DENND4C: variants seen among roughly 807,000 people sequenced by gnomAD.
DENND4C encodes the protein DENN domain-containing protein 4C.
DENND4C carries 108 observed loss-of-function variants against 203.0 expected under a neutral mutation model. The observed-to-expected ratio is 0.53, with a 90% CI of 0.46 to 0.62. DENND4C has a LOEUF of 0.62. Ranked by LOEUF, DENND4C falls within the 20% of genes least tolerant of loss-of-function variation. DENND4C has a pLI of 0.00. For missense variants in DENND4C, 2,481 were observed against 2,301.2 expected, an observed-to-expected ratio of 1.08 and a Z score of -1.60; for synonymous variants, 871 against 792.4, an observed-to-expected ratio of 1.10 and a Z score of -1.67.
intron 2 of DENND4C, among the ~76,000 whole-genome samples, chr9:19,277,488 A>C (rs56036247): frequency 0.052 from 7,943 of 152,248 alleles, 339 homozygotes; most frequent in African/African-American, 0.11. Flanking sequence ...GTGTATAGAA[A>C]TAGCTGATTT....
At chr9:19,352,863 C>T (rs1454154020) in intron 26 of DENND4C, among the ~76,000 whole-genome samples, 198 bp downstream of exon 26, 6 of 152,060 alleles carry the variant, frequency 3.9e-5, no homozygotes, top group Admixed American at 3.3e-4. Context: ...AGCCGGGCTC[C>T]GTGGCTCATG....
In DENND4C at chr9:19,306,999, G is replaced by A. The variant is rs192499666; in HGVS notation, c.1487+1472G>A. On this transcript the variant is annotated intron_variant, in intron 10 of 32. Transcript: ENST00000434457. ...AGGTTTTACCATGTTGTCCAGGCTG[G>A]TCTTGAACTGCTGACCTCAGGTGAT... Among the ~76,000 whole-genome samples, 926 of 152,080 alleles carry A rather than the reference G, an allele frequency of 6.1e-3. 12 individuals are homozygous for A. Among genetic ancestry groups the A allele is most frequent in the Non-Finnish European group, 5.6e-3 (382 of 67,982 alleles).
intron 1 of DENND4C, among the ~76,000 whole-genome samples, chr9:19,234,530 GTTTTT>G (rs34232597): frequency 9.6e-6 from 1 of 104,452 alleles, no homozygotes; most frequent in Non-Finnish European, 1.8e-5. Context: ...GCACCTGGCT[GTTTTT>G]TTTTTTTTTT....
chr9:19,283,983 G>A (rs1834699745), intron 2 of DENND4C, among the ~76,000 whole-genome samples: 2 of 152,036 alleles, frequency 1.3e-5, no homozygotes, highest in African/African-American at 4.8e-5. Flanking sequence ...CAACTGATTT[G>A]TTTCTCCAGT....
chr9:19,283,610 CTTT>C (rs553611899), intron 2 of DENND4C, among the ~76,000 whole-genome samples: 1 of 116,604 alleles, frequency 8.6e-6, no homozygotes, highest in Non-Finnish European at 1.7e-5. Context: ...TTTTTTCTTT[CTTT>C]TTTTTTTTTT....
Position 19,294,649 on chromosome 9 carries a change from G to A in DENND4C, c.802-1359G>A, listed in dbSNP as rs562043509. On this transcript the variant is annotated intron_variant, in intron 5 of 32. Coordinates refer to ENST00000434457, the MANE Select transcript of DENND4C (RefSeq NM_001330640.2). ...GGAAACAACCCAAACGTGCATCAAC[G>A]TATGAATGGATACACAAAATATGGT... Among the ~76,000 whole-genome samples, 17 of 152,250 alleles carry A rather than the reference G, an allele frequency of 1.1e-4. No individual in the cohort carries two copies. In the South Asian group the frequency reaches 3.5e-3, roughly 32 times the overall value.
intron 1 of DENND4C, among the ~76,000 whole-genome samples, chr9:19,264,818 T>G (rs1830156503): frequency 6.6e-6 from 1 of 152,110 alleles, no homozygotes; most frequent in African/African-American, 2.4e-5. Context: ...GATCTTTTTC[T>G]TCTACTAATT....
chr9:19,307,472 A>T (rs564218444), intron 10 of DENND4C, among the ~76,000 whole-genome samples: 3 of 151,584 alleles, frequency 2.0e-5, no homozygotes, highest in Admixed American at 2.0e-4. Flanking sequence ...ATTCACCACA[A>T]CTTTATTAAG....
At chr9:19,300,111 T>C in intron 8 of DENND4C, 76 bp from the exon 9 acceptor site, 1 of 1,397,228 alleles carries the variant, frequency 7.2e-7, no homozygotes, top group Non-Finnish European at 9.6e-7. Context: ...AATCTGTTGA[T>C]ACTTTAATAA....
At chr9:19,336,141 C>G (rs748596975) in intron 18 of DENND4C, 129 bp from the exon 19 acceptor site, 138 of 781,660 alleles carry the variant, frequency 1.8e-4, no homozygotes, top group Non-Finnish European at 1.7e-4. Flanking sequence ...TTTAATATAC[C>G]TCTTGGCCAG....
At chr9:19,370,021 C>A in intron 31 of DENND4C, 34 bp downstream of exon 31, 1 of 1,608,852 alleles carries the variant, frequency 6.2e-7, no homozygotes, top group Non-Finnish European at 8.5e-7. Context: ...TGCCACCACT[C>A]AGTCATTTCA....
intron 1 of DENND4C, among the ~76,000 whole-genome samples, chr9:19,258,775 C>T (rs988358292): frequency 9.2e-5 from 14 of 152,032 alleles, no homozygotes; most frequent in Non-Finnish European, 2.9e-5. Flanking sequence ...CTGCCTCAGC[C>T]TCCAGAGTAG....
chr9:19,275,561 C>G (rs941183452), intron 1 of DENND4C, among the ~76,000 whole-genome samples: 9 of 151,464 alleles, frequency 5.9e-5, no homozygotes, highest in Admixed American at 1.3e-4. Context: ...GCTTCTGCCC[C>G]CTGGGTTCAA....
rs1453501679 is a variant in DENND4C, at chr9:19,363,596, A to T, written c.5524+1633A>T. ...AGGCCTTATCTCCAAATAGAGTCAC[A>T]TTGGCAATTAGGGCCTCAACATATG... On this transcript the variant is annotated intron_variant, in intron 30 of 32. Coordinates refer to ENST00000434457, the MANE Select transcript of DENND4C (RefSeq NM_001330640.2). Among the ~76,000 whole-genome samples, 7 of 152,208 alleles carry T rather than the reference A, an allele frequency of 4.6e-5. No individual in the cohort carries two copies. In the East Asian group the frequency reaches 1.2e-3, roughly 25 times the overall value.
At chr9:19,282,454 T>A (rs4977528) in intron 2 of DENND4C, among the ~76,000 whole-genome samples, 80,536 of 150,658 alleles carry the variant, frequency 0.53, 21,759 homozygotes, top group South Asian at 0.66. Context: ...GGGTTTCGCC[T>A]TGTTGCCCAG....
rs1161201166 is a variant in DENND4C at position 19,341,073 on chromosome 9, C to G, written c.2963C>G (p.Ala988Gly). The change falls in exon 21 of 33, where the codon GCA becomes GGA. Residue 988 changes from alanine to glycine, a missense_variant. Physicochemically the swap from Ala to Gly is moderately conservative, Grantham distance 60 (BLOSUM62 0). This residue lies in a region of DENND4C where 2,289 missense variants were observed against 2,113.3 expected (regional missense o/e 1.08). Transcript: ENST00000434457. The part of the protein sequence containing the change: ...DAEIHVPEEQ[A>G]ARELITKTKM... Reference sequence around the variant, plus strand: ...GAAATTCATGTGCCTGAAGAACAGGCAGCAAGAGAATTGATAACTAAAACA... The same window carrying G: ...GAAATTCATGTGCCTGAAGAACAGGGAGCAAGAGAATTGATAACTAAAACA... 1 of 1,612,646 alleles carries G rather than the reference C, an allele frequency of 6.2e-7. No homozygotes were observed. The highest frequency in any genetic ancestry group is 1.7e-5 in the Admixed American group (1 of 59,866).
At chr9:19,284,203 A>T (rs1466646020) in intron 2 of DENND4C, among the ~76,000 whole-genome samples, 2 of 152,206 alleles carry the variant, frequency 1.3e-5, no homozygotes, top group Non-Finnish European at 2.9e-5. Flanking sequence ...CTTAAACAAA[A>T]TGTAGATACT....
At position 19,367,183 on chromosome 9, in the gene DENND4C, A is replaced by T. The variant is rs140927100; in HGVS notation, c.5525-2654A>T. 4.4e-3 allele frequency among the ~76,000 whole-genome samples: 669 copies of T among 152,344 alleles called. 3 individuals carry two copies. The highest frequency in any genetic ancestry group is 0.015 in the African/African-American group (637 of 41,582). ...TTACTAGGATGGCTATAATAAAAAA[A>T]AATAATAACGAGTTAGTGAAGATGT... On this transcript the variant is annotated intron_variant, in intron 30 of 32. Transcript: ENST00000434457.
intron 10 of DENND4C, among the ~76,000 whole-genome samples, chr9:19,306,845 A>G (rs943016906): frequency 5.9e-5 from 9 of 151,760 alleles, no homozygotes; most frequent in Non-Finnish European, 1.0e-4. Flanking sequence ...CAGTGGTGCA[A>G]TCCTGACTCT....
Sources: gnomAD v4.1 joint callset for allele counts (sites outside exome capture counted in the v4.1 genomes callset) on GRCh38, gnomAD v4.1.1 for gene constraint, gnomAD v4.1.1 regional missense constraint, MANE v1.5 for transcripts, NCBI Gene and HGNC (gene_info 2026-07-23, HGNC 2026-07-21) for gene names.